The following RGS1 variants were observed in gnomAD, a reference collection of about 807,000 sequenced individuals.
The protein encoded by RGS1 is B-cell activation protein BL34.
Under a neutral mutation model 22.2 loss-of-function variants are expected in RGS1, and 11 were observed. The ratio of observed to expected loss-of-function variants is 0.50; its 90% CI spans 0.31 to 0.82. The LOEUF (loss-of-function observed/expected upper bound fraction) is 0.82, where lower values mean the gene tolerates loss of function less well. Among genes scored for constraint, RGS1 ranks in the 40% least tolerant of loss-of-function variants. The pLI is 0.04. For missense variants in RGS1, 255 were observed against 245.8 expected, an observed-to-expected ratio of 1.04 and a Z score of -0.25; for synonymous variants, 81 against 79.9, an observed-to-expected ratio of 1.01 and a Z score of -0.07.
chr1:192,576,474 T>G lies in RGS1; in HGVS notation c.218+109T>G, dbSNP rs1252798805. ...TACTGCGCACAGTAGACTTCATTTC[T>G]TTTAAGTAACATGCCAAATAAAATT... On this transcript the variant is annotated intron_variant, in intron 2 of 4. Coordinates refer to ENST00000367459, the MANE Select transcript of RGS1 (RefSeq NM_002922.4). 5.2e-6 allele frequency: 4 copies of G among 773,288 alleles called. No homozygotes were observed. In the African/African-American group the frequency reaches 7.0e-5, roughly 14 times the overall value. 47.9% of individuals were successfully genotyped at this position (773,288 alleles called of 1,614,324 possible). A position where few individuals can be genotyped will look rare whatever the true frequency, so the allele number is the denominator to read the frequency against.
intron 3 of RGS1, 117 bp from the exon 4 acceptor site, chr1:192,578,105 T>C (rs1013501690): frequency 4.8e-5 from 59 of 1,236,252 alleles, no homozygotes; most frequent in Non-Finnish European, 6.2e-5. Flanking sequence ...AGCTGTCTCT[T>C]ACCTTTGTAT....
At chr1:192,578,423 A>C in intron 4 of RGS1, 38 bp downstream of exon 4, 3 of 1,603,206 alleles carry the variant, frequency 1.9e-6, no homozygotes, top group Non-Finnish European at 2.6e-6. Context: ...TTCTCCATAA[A>C]AGACCCTATA....
rs1662117699 is a variant in RGS1, at chr1:192,579,059, G to A, written c.445-78G>A. The A allele has an allele frequency of 5.8e-6, 8 of 1,374,552 alleles. No homozygotes were observed. The South Asian group carries it at 1.1e-4, about 19-fold the overall frequency. The allele number at this position is 1,374,552 out of a possible 1,614,324, so 85.1% of individuals were successfully genotyped here. A position where few individuals can be genotyped will look rare whatever the true frequency, so the allele number is the denominator to read the frequency against. On this transcript the variant is annotated intron_variant, in intron 4 of 4. Coordinates refer to ENST00000367459, the MANE Select transcript of RGS1 (RefSeq NM_002922.4). ...TGAGGCCTTAAAATTACTTTCTGAG[G>A]TGTTTCAAAAAACAGTAACATCATA...
chr1:192,579,178 G>T lies in RGS1; in HGVS notation c.486G>T (p.Lys162Asn), dbSNP rs146022693. The change falls in exon 5 of 5, where the codon AAG becomes AAT. Residue 162 changes from lysine (K) to asparagine (N), a missense_variant. Coordinates refer to ENST00000367459, the MANE Select transcript of RGS1 (RefSeq NM_002922.4). The stretch of plus-strand genomic sequence containing the variant: ...GCACTCGAGAATCTACAGCCAAGAA[G>T]ATTAAAGCACCAACCCCCACGTGTT... ...DFRTRESTAK[K>N]IKAPTPTCFD... 1.5e-5 allele frequency: 24 copies of T among 1,613,006 alleles called. No individual in the cohort carries two copies. The highest frequency in any genetic ancestry group is 1.9e-5 in the Non-Finnish European group (22 of 1,179,432).
chr1:192,576,762 T>C lies in RGS1; in HGVS notation c.219-12T>C, dbSNP rs1480364972. ...AAAATTGACTAATGTATGTACATTT[T>C]GTCCCCTGCAGACTTTCTGCTGCTG... On this transcript the variant is annotated splice_polypyrimidine_tract_variant and intron_variant, in intron 2 of 4. Transcript: ENST00000367459. 1.2e-6 allele frequency: 2 copies of C among 1,609,670 alleles called. No individual in the cohort carries two copies. The highest frequency in any genetic ancestry group is 2.2e-5 in the East Asian group (1 of 44,702).
rs1662100042 is a variant in RGS1, at chr1:192,578,333, G to T, written c.392G>T (p.Cys131Phe). 7.4e-6 allele frequency: 12 copies of T among 1,613,158 alleles called. No homozygotes were observed. In the East Asian group the frequency reaches 2.7e-4, roughly 36 times the overall value. Reference sequence around the variant, plus strand: ...AAAACAGAGTCTGATCTTTTGCCCTGTAAAGCAGAAGAGATATATAAAGCA... The same window carrying T: ...AAAACAGAGTCTGATCTTTTGCCCTTTAAAGCAGAAGAGATATATAAAGCA... ...YKKTESDLLPCKAEEIYKAFV... is the reference protein window; with the variant it reads ...YKKTESDLLPFKAEEIYKAFV... The change falls in exon 4 of 5, where the codon TGT becomes TTT. Residue 131 changes from cysteine to phenylalanine, a missense_variant. Physicochemically the swap from Cys to Phe is radical, Grantham distance 205 (BLOSUM62 -2). Coordinates refer to ENST00000367459, the MANE Select transcript of RGS1 (RefSeq NM_002922.4).
chr1:192,578,449 T>C (rs1268639031), intron 4 of RGS1, 64 bp downstream of exon 4: 1 of 1,548,586 alleles, frequency 6.5e-7, no homozygotes, highest in African/African-American at 1.4e-5. Flanking sequence ...AAATAACATT[T>C]AATATATACA....
At chr1:192,576,994 A>T (rs1662073240) in intron 3 of RGS1, 159 bp downstream of exon 3, 2 of 497,802 alleles carry the variant, frequency 4.0e-6, no homozygotes, top group East Asian at 6.8e-5. Context: ...CCTCTTAATA[A>T]TGCTGACTTA....
At chr1:192,577,372 T>C (rs962708803) in intron 3 of RGS1, 1 of 152,168 alleles carries the variant, frequency 6.6e-6, no homozygotes, top group African/African-American at 2.4e-5. Context: ...TGCATTATTA[T>C]AACATGATAG....
At chr1:192,576,611 A>G in intron 2 of RGS1, 163 bp from the exon 3 acceptor site, 1 of 692,782 alleles carries the variant, frequency 1.4e-6, no homozygotes, top group Admixed American at 3.4e-5. Flanking sequence ...TCATAACTAT[A>G]GTAACTCTAA....
rs1662136462 is a variant in RGS1 at position 192,579,958 on chromosome 1, T to C, written c.*636T>C. On this transcript the variant is annotated 3_prime_UTR_variant, in exon 5 of 5. Transcript: ENST00000367459. ...TATAGAAGCAATTTCTGTTTACATG[T>C]CCTTGCTACTTTTAAAAACTTGCAT... The C allele has an allele frequency of 6.6e-6, 1 of 152,160 alleles. No individual in the cohort carries two copies. Among genetic ancestry groups the C allele is most frequent in the Non-Finnish European group, 1.5e-5 (1 of 68,012 alleles). 9.4% of individuals were successfully genotyped at this position (152,160 alleles called of 1,614,324 possible). A position where few individuals can be genotyped will look rare whatever the true frequency, so the allele number is the denominator to read the frequency against.
At chr1:192,578,719 A>T in intron 4 of RGS1, 1 of 430,574 alleles carries the variant, frequency 2.3e-6, no homozygotes, top group East Asian at 3.7e-5. Context: ...GATTAGCATA[A>T]TGTATACAAT....
In RGS1 at chr1:192,579,220, A is replaced by T. The variant is rs774919642; in HGVS notation, c.528A>T (p.Lys176Asn). The T allele has an allele frequency of 1.9e-6, 3 of 1,613,228 alleles. No homozygotes were observed. Among genetic ancestry groups the T allele is most frequent in the Non-Finnish European group, 2.5e-6 (3 of 1,179,520 alleles). Residue 176 changes from lysine to asparagine, a missense_variant, in exon 5 of 5, where the codon AAA becomes AAT. Transcript: ENST00000367459. ...PTPTCFDEAQKVIYTLMEKDS... is the reference protein window; with the variant it reads ...PTPTCFDEAQNVIYTLMEKDS... ...CCACGTGTTTTGATGAAGCACAAAAAGTCATATATACTCTTATGGAAAAGG... is the reference window on the plus strand; with the variant it reads ...CCACGTGTTTTGATGAAGCACAAAATGTCATATATACTCTTATGGAAAAGG...
At chr1:192,579,047 T>A in intron 4 of RGS1, 90 bp from the exon 5 acceptor site, 1 of 1,289,072 alleles carries the variant, frequency 7.8e-7, no homozygotes, top group Non-Finnish European at 1.1e-6. Context: ...GGCCTTAAAA[T>A]TACTTTCTGA....
chr1:192,579,433 A>C lies in RGS1; in HGVS notation c.*111A>C. On this transcript the variant is annotated 3_prime_UTR_variant, in exon 5 of 5. Coordinates refer to ENST00000367459, the MANE Select transcript of RGS1 (RefSeq NM_002922.4). The stretch of plus-strand genomic sequence containing the variant: ...CTTTTTTGGGTGTCTTGACAGGCCA[A>C]GAAGAACAAATGACTCAGAATGGAT... The C allele has an allele frequency of 1.1e-6, 1 of 916,248 alleles. No homozygotes were observed. Among genetic ancestry groups the C allele is most frequent in the Non-Finnish European group, 1.7e-6 (1 of 594,708 alleles). 56.8% of individuals were successfully genotyped at this position (916,248 alleles called of 1,614,324 possible).
chr1:192,578,818 C>G, intron 4 of RGS1: 1 of 358,842 alleles, frequency 2.8e-6, no homozygotes, highest in Non-Finnish European at 4.9e-6. Flanking sequence ...GAGCCTTCTT[C>G]TCCTGTAAAT....
At chr1:192,576,920 G>A (rs1662071420) in intron 3 of RGS1, 85 bp downstream of exon 3, 1 of 1,177,438 alleles carries the variant, frequency 8.5e-7, no homozygotes, top group Non-Finnish European at 1.2e-6. Context: ...ATTCTGGGTA[G>A]GATAGTATGC....
Position 192,579,327 on chromosome 1 carries a change from T to C in RGS1, c.*5T>C, listed in dbSNP as rs1471078546. Reference sequence around the variant, plus strand: ...CAGGCTAATAGCCTAAAGTGACTGGTCCCTGGCTGAAGGGAATTAACAGAT... The same window carrying C: ...CAGGCTAATAGCCTAAAGTGACTGGCCCCTGGCTGAAGGGAATTAACAGAT... On this transcript the variant is annotated 3_prime_UTR_variant, in exon 5 of 5. Transcript: ENST00000367459. 1 of 1,611,630 alleles carries C rather than the reference T, an allele frequency of 6.2e-7. No homozygotes were observed. The highest frequency in any genetic ancestry group is 1.3e-5 in the African/African-American group (1 of 74,718).
intron 3 of RGS1, chr1:192,577,787 T>C (rs1472635317): frequency 1.1e-5 from 2 of 175,350 alleles, no homozygotes; most frequent in African/African-American, 2.4e-5. Context: ...ATTTTCTGGC[T>C]AATATAAATT....
Sources: allele counts gnomAD v4.1 joint callset, GRCh38; gene constraint gnomAD v4.1.1; transcripts MANE v1.5; gene names NCBI Gene and HGNC (gene_info 2026-07-23, HGNC 2026-07-21).